CAMK2D: variants seen among roughly 807,000 people sequenced by gnomAD.
CAMK2D encodes the protein calcium/calmodulin dependent protein kinase II delta, also known as calcium/calmodulin-dependent protein kinase type II subunit delta.
A neutral mutation model predicts 84.0 loss-of-function variants in CAMK2D; 37 were observed. That is an observed-to-expected ratio of 0.44 (90% CI 0.34 to 0.58). CAMK2D has a LOEUF of 0.58. Among genes scored for constraint, CAMK2D ranks in the 20% least tolerant of loss-of-function variants. The probability of loss-of-function intolerance (pLI) is 0.02; values close to 1 mark genes in which losing one functional copy is unlikely to be tolerated. For synonymous variants in CAMK2D, 202 were observed against 212.5 expected, an observed-to-expected ratio of 0.95 and a Z score of 0.43; for missense variants, 448 against 652.5, an observed-to-expected ratio of 0.69 and a Z score of 3.41.
intron 2 of CAMK2D, among the ~76,000 whole-genome samples, chr4:113,704,028 C>T (rs763415177): frequency 6.7e-6 from 1 of 149,334 alleles, no homozygotes; most frequent in Non-Finnish European, 1.5e-5. Flanking sequence ...TGTACAATCA[C>T]ATTTTGTGAT....
chr4:113,752,596 G>A (rs112112160), intron 2 of CAMK2D, among the ~76,000 whole-genome samples: 6 of 152,038 alleles, frequency 3.9e-5, no homozygotes, highest in East Asian at 1.9e-4. Context: ...TCTGGGCTTC[G>A]GTTAAGGGCT....
At chr4:113,738,400 T>C (rs936582970) in intron 2 of CAMK2D, among the ~76,000 whole-genome samples, 15 of 152,252 alleles carry the variant, frequency 9.9e-5, no homozygotes, top group Admixed American at 7.9e-4. Context: ...TGTTTAAATA[T>C]ACCCATATGA....
chr4:113,579,955 TC>T (rs2098800539), intron 4 of CAMK2D, among the ~76,000 whole-genome samples: 1 of 152,226 alleles, frequency 6.6e-6, no homozygotes, highest in Admixed American at 6.5e-5. Context: ...GAGTTTTTCT[TC>T]AACCAACAGT....
intron 16 of CAMK2D, among the ~76,000 whole-genome samples, chr4:113,497,619 G>A (rs572450547): frequency 1.6e-4 from 24 of 152,230 alleles, no homozygotes; most frequent in African/African-American, 3.4e-4. Flanking sequence ...TCCTTTGACC[G>A]GGTTACCACA....
chr4:113,689,395 T>G (rs1033266611), intron 2 of CAMK2D, among the ~76,000 whole-genome samples: 3 of 152,234 alleles, frequency 2.0e-5, no homozygotes, highest in Non-Finnish European at 4.4e-5. Context: ...TCCAGTTACA[T>G]TTGTTCCTGC....
intron 2 of CAMK2D, among the ~76,000 whole-genome samples, chr4:113,749,928 C>T (rs61267339): frequency 0.012 from 1,760 of 152,248 alleles, 34 homozygotes; most frequent in African/African-American, 0.04. Context: ...CTTTGCCAGT[C>T]ATAAGTTTCT....
At chr4:113,677,613 A>G (rs1592889631) in intron 2 of CAMK2D, 1 of 840,022 alleles carries the variant, frequency 1.2e-6, no homozygotes, top group East Asian at 1.2e-4. Context: ...TACCATCTAA[A>G]TAAGAAGGCC....
chr4:113,606,244 G>C (rs28813213), intron 4 of CAMK2D, among the ~76,000 whole-genome samples: 1 of 152,100 alleles, frequency 6.6e-6, no homozygotes, highest in African/African-American at 2.4e-5. Flanking sequence ...GCAGAGGCAG[G>C]CAGATCACGA....
chr4:113,516,588 T>C (rs2098286728), intron 9 of CAMK2D, among the ~76,000 whole-genome samples: 1 of 151,668 alleles, frequency 6.6e-6, no homozygotes, highest in African/African-American at 2.4e-5. Flanking sequence ...TCAAAGAATA[T>C]ACATTTTTAA....
intron 3 of CAMK2D, among the ~76,000 whole-genome samples, chr4:113,645,004 T>C (rs2099145821): frequency 6.6e-6 from 1 of 151,974 alleles, no homozygotes; most frequent in South Asian, 2.1e-4. Flanking sequence ...TTTGTTGTTG[T>C]TGTTGTTTTT....
chr4:113,474,284 A>T (rs2097578282), intron 16 of CAMK2D, among the ~76,000 whole-genome samples: 1 of 152,306 alleles, frequency 6.6e-6, no homozygotes, highest in South Asian at 2.1e-4. Context: ...CTCTGCTCAG[A>T]TTTAAGATTA....
chr4:113,715,208 A>G (rs555779983), intron 2 of CAMK2D, among the ~76,000 whole-genome samples: 1 of 152,164 alleles, frequency 6.6e-6, no homozygotes, highest in Admixed American at 6.6e-5. Flanking sequence ...TGATCTAGCA[A>G]CTTTTGTTGA....
At chr4:113,557,183 C>T (rs2098670829) in intron 4 of CAMK2D, among the ~76,000 whole-genome samples, 1 of 152,106 alleles carries the variant, frequency 6.6e-6, no homozygotes, top group South Asian at 2.1e-4. Flanking sequence ...GCAATAACTC[C>T]TAATGGGCCC....
At chr4:113,461,698 C>T in intron 17 of CAMK2D, among the ~76,000 whole-genome samples, 1 of 152,112 alleles carries the variant, frequency 6.6e-6, no homozygotes, top group East Asian at 1.9e-4. Flanking sequence ...GAGTACAAAT[C>T]AAAGGATTTT....
At chr4:113,552,688 CAATT>C (rs1229936380) in intron 4 of CAMK2D, among the ~76,000 whole-genome samples, 6 of 152,118 alleles carry the variant, frequency 3.9e-5, no homozygotes, top group African/African-American at 1.4e-4. Context: ...CGTAACATAG[CAATT>C]AATAGAGATA....
chr4:113,518,013 C>T (rs2098308849), intron 8 of CAMK2D, among the ~76,000 whole-genome samples: 1 of 152,166 alleles, frequency 6.6e-6, no homozygotes, highest in East Asian at 1.9e-4. Context: ...ATTTTAGTCA[C>T]TGTGAGGTTG....
At chr4:113,746,007 A>G (rs934864792) in intron 2 of CAMK2D, among the ~76,000 whole-genome samples, 1 of 152,222 alleles carries the variant, frequency 6.6e-6, no homozygotes, top group African/African-American at 2.4e-5. Flanking sequence ...TACAGAACTC[A>G]ATTAGGAAAT....
chr4:113,730,050 T>A (rs1316139130), intron 2 of CAMK2D, among the ~76,000 whole-genome samples: 1 of 152,180 alleles, frequency 6.6e-6, no homozygotes, highest in Non-Finnish European at 1.5e-5. Context: ...TAGGTATATG[T>A]TTGTTGTCCG....
intron 2 of CAMK2D, among the ~76,000 whole-genome samples, chr4:113,679,726 TG>T (rs561062645): frequency 5.1e-4 from 78 of 152,292 alleles, no homozygotes; most frequent in African/African-American, 1.8e-3. Context: ...AAATCTAATT[TG>T]GAAATACGCA....
Sources: allele counts gnomAD v4.1 joint callset (sites outside exome capture counted in the v4.1 genomes callset), GRCh38; gene constraint gnomAD v4.1.1; transcripts MANE v1.5; gene names NCBI Gene and HGNC (gene_info 2026-07-23, HGNC 2026-07-21).